Variants in SPTAN1 observed in about 807,000 individuals in gnomAD.
SPTAN1 encodes the protein spectrin alpha chain, non-erythrocytic 1.
A neutral mutation model predicts 331.3 loss-of-function variants in SPTAN1; 61 were observed. The ratio of observed to expected loss-of-function variants is 0.18; its 90% CI spans 0.15 to 0.23. SPTAN1 has a LOEUF of 0.23. SPTAN1 is among the 10% of genes least tolerant of loss of function. The pLI is 1.00. For missense variants in SPTAN1, 2,043 were observed against 3,147.9 expected (o/e 0.65, Z 8.40); for synonymous variants, 1,153 against 1,173.9 (o/e 0.98, Z 0.36).
Position 128,608,015 on chromosome 9 carries a change from G to T in SPTAN1, c.4310G>T (p.Arg1437Leu). 2.5e-6 allele frequency: 4 copies of T among 1,614,100 alleles called. No homozygotes were observed. The highest frequency in any genetic ancestry group is 3.4e-6 in the Non-Finnish European group (4 of 1,180,018). ...RADLEKAWVQ[R>L]RMMLDQCLEL... ...GACCTGGAGAAGGCCTGGGTTCAGC[G>T]CAGGATGATGCTGGATCAGTGCCTT... Residue 1437 changes from arginine (R) to leucine (L), a missense_variant, in exon 33 of 57, where the codon CGC (arginine) becomes CTC (leucine). By Grantham distance (102) the Arg-to-Leu change is moderately radical. Around this residue, in one of 12 missense-constraint regions of SPTAN1, gnomAD observed 179 missense variants for 215.7 expected, o/e 0.83. Transcript: ENST00000372739.
intron 43 of SPTAN1, 103 bp from the exon 44 acceptor site, chr9:128,618,768 C>T: frequency 6.4e-7 from 1 of 1,554,862 alleles, no homozygotes; most frequent in South Asian, 1.1e-5. Flanking sequence ...CAGGCATGAG[C>T]CACCATGCCC....
At chr9:128,619,284 G>A (rs1589360601) in intron 44 of SPTAN1, among the ~76,000 whole-genome samples, 2 of 152,174 alleles carry the variant, frequency 1.3e-5, no homozygotes, top group Admixed American at 6.6e-5. Context: ...GTTTCCTGGG[G>A]CTGCCATAAA....
At position 128,624,911 on chromosome 9, in the gene SPTAN1, G is replaced by C. The variant is rs1451156550; in HGVS notation, c.5993-192G>C. 9.2e-6 allele frequency: 6 copies of C among 655,606 alleles called. No homozygotes were observed. The East Asian group carries it at 1.6e-4, about 18-fold the overall frequency. The allele number at this position is 655,606 out of a possible 1,614,324, so 40.6% of individuals were successfully genotyped here. A position where few individuals can be genotyped will look rare whatever the true frequency, so the allele number is the denominator to read the frequency against. ...TGAACTAGAAGACGGGCTGCAGGGA[G>C]CTCGTCATGGCACAGATGGAGGCCA... is the stretch of plus-strand genomic sequence containing the variant. On this transcript the variant is annotated intron_variant, in intron 46 of 56. Coordinates refer to ENST00000372739, the MANE Select transcript of SPTAN1 (RefSeq NM_001130438.3).
At chr9:128,617,315 T>C (rs1857295315) in intron 41 of SPTAN1, among the ~76,000 whole-genome samples, 1 of 152,044 alleles carries the variant, frequency 6.6e-6, no homozygotes, top group Non-Finnish European at 1.5e-5. Context: ...GATATATTAA[T>C]ACATATTTAG....
intron 31 of SPTAN1, among the ~76,000 whole-genome samples, chr9:128,606,499 G>C (rs574014330): frequency 6.9e-6 from 1 of 145,410 alleles, no homozygotes; most frequent in African/African-American, 2.6e-5. Context: ...TTTTTTTTTG[G>C]GGGGGGAAGC....
In SPTAN1 at chr9:128,629,684, T is replaced by C; in HGVS notation, c.6708-637T>C. 5.6e-6 allele frequency: 1 copy of C among 177,522 alleles called. No individual in the cohort carries two copies. 11.0% of individuals were successfully genotyped at this position (177,522 alleles called of 1,614,324 possible). On this transcript the variant is annotated intron_variant, in intron 51 of 56. Transcript: ENST00000372739. This position sits in a 1 kb window ranked among gnomAD's most constrained non-coding sequence, Gnocchi z 4.9. ...CCAGAGCCCATCTGCTCTCAGAACTTGGTCCTAGAGAGGAGGCTCCCTCCC... is the reference window on the plus strand; with the variant it reads ...CCAGAGCCCATCTGCTCTCAGAACTCGGTCCTAGAGAGGAGGCTCCCTCCC...
At chr9:128,630,078 G>A (rs946936714) in intron 51 of SPTAN1, 10 of 687,396 alleles carry the variant, frequency 1.5e-5, no homozygotes, top group African/African-American at 1.7e-5. Flanking sequence ...GGAGCAAGAC[G>A]AGTGGGCTCA....
At chr9:128,560,966 A>G (rs1471482784) in intron 1 of SPTAN1, among the ~76,000 whole-genome samples, 1 of 147,596 alleles carries the variant, frequency 6.8e-6, no homozygotes, top group African/African-American at 2.5e-5. Flanking sequence ...CTGTGAACCC[A>G]GATAGCATCA....
Position 128,587,632 on chromosome 9 carries a change from G to A in SPTAN1, c.2805G>A (p.Leu935=), listed in dbSNP as rs753698426. The change falls in exon 20 of 57, where the codon TTG becomes TTA. Residue 935 remains leucine, a synonymous_variant. Coordinates refer to ENST00000372739, the MANE Select transcript of SPTAN1 (RefSeq NM_001130438.3). ...CTCTACTGAAGAAACACGAAGCTTTGATGTCAGATCTCAGTGCCTACGGCA... is the reference window on the plus strand; with the variant it reads ...CTCTACTGAAGAAACACGAAGCTTTAATGTCAGATCTCAGTGCCTACGGCA... ...AEALLKKHEA[L]MSDLSAYGSS... is the part of the protein sequence containing the mutation. 2.5e-6 allele frequency: 4 copies of A among 1,613,982 alleles called. No individual in the cohort carries two copies. Among genetic ancestry groups the A allele is most frequent in the Non-Finnish European group, 3.4e-6 (4 of 1,179,970 alleles).
intron 1 of SPTAN1, among the ~76,000 whole-genome samples, chr9:128,559,318 G>A (rs1443968096): frequency 6.6e-6 from 1 of 152,184 alleles, no homozygotes; most frequent in Non-Finnish European, 1.5e-5. Flanking sequence ...GATCAAATCA[G>A]CAAGCTGGGC....
rs923703783 is a variant in SPTAN1, at chr9:128,598,476, C to T, written c.3491C>T (p.Ala1164Val). ...GACCTGGAGTCTGAAGGTCTCATGG[C>T]AGAGGAGGTGCAGGCTGTGCAACAA... ...AEDLESEGLMAEEVQAVQQQE... is the reference protein window; with the variant it reads ...AEDLESEGLMVEEVQAVQQQE... Residue 1164 changes from alanine to valine, a missense_variant, in exon 25 of 57, where the codon GCA becomes GTA. Physicochemically the swap from Ala to Val is moderately conservative, Grantham distance 64. Transcript: ENST00000372739. The T allele has an allele frequency of 1.2e-6, 2 of 1,611,558 alleles. No individual in the cohort carries two copies. Among genetic ancestry groups the T allele is most frequent in the Admixed American group, 3.4e-5 (2 of 59,612 alleles).
chr9:128,578,853 AAC>A (rs1851621336), intron 9 of SPTAN1, among the ~76,000 whole-genome samples: 1 of 146,598 alleles, frequency 6.8e-6, no homozygotes, highest in South Asian at 2.2e-4. Flanking sequence ...AAAAAAAAAA[AAC>A]CTTCTGAGAG....
At chr9:128,554,274 A>G (rs1279225990) in intron 1 of SPTAN1, among the ~76,000 whole-genome samples, 3 of 152,160 alleles carry the variant, frequency 2.0e-5, no homozygotes, top group Non-Finnish European at 2.9e-5. Flanking sequence ...AGCAGTTCTT[A>G]TGGCAAACCA....
Position 128,627,694 on chromosome 9 carries a change from C to A in SPTAN1, c.6689+196C>A. The A allele has an allele frequency of 1.3e-6, 1 of 783,112 alleles. No homozygotes were observed. 48.5% of individuals were successfully genotyped at this position (783,112 alleles called of 1,614,324 possible). On this transcript the variant is annotated intron_variant, in intron 50 of 56. Coordinates refer to ENST00000372739, the MANE Select transcript of SPTAN1 (RefSeq NM_001130438.3). This position sits in a 1 kb window ranked among gnomAD's most constrained non-coding sequence, Gnocchi z 4.9. Reference sequence around the variant, plus strand: ...TAGGTGGAGCAGCCTCTCAGTGCTGCATGTCCCAGACATCAAGTTGTTAGA... The same window carrying A: ...TAGGTGGAGCAGCCTCTCAGTGCTGAATGTCCCAGACATCAAGTTGTTAGA...
chr9:128,610,439 C>T (rs1477496685), intron 37 of SPTAN1, among the ~76,000 whole-genome samples: 1 of 152,018 alleles, frequency 6.6e-6, no homozygotes, highest in Non-Finnish European at 1.5e-5. Flanking sequence ...GGTGGGAGAA[C>T]GTAACAAGGA....
rs766141611 is a variant in SPTAN1, at chr9:128,566,881, G to A, written c.141G>A (p.Gln47=). ...RQKLEDSYRF[Q]FFQRDAEELE... ...AGCTGGAAGATTCCTATCGATTCCA[G>A]TTCTTTCAAAGAGATGCTGAAGAGC... The change falls in exon 2 of 57, where the codon CAG becomes CAA. Residue 47 remains glutamine, a synonymous_variant. Transcript: ENST00000372739. 19 of 1,614,102 alleles carry A rather than the reference G, an allele frequency of 1.2e-5. No individual in the cohort carries two copies. The highest frequency in any genetic ancestry group is 3.4e-6 in the Non-Finnish European group (4 of 1,180,046).
chr9:128,586,053 G>A (rs146443854), intron 19 of SPTAN1, 88 bp downstream of exon 19: 26 of 1,117,276 alleles, frequency 2.3e-5, no homozygotes, highest in Middle Eastern at 2.9e-4. Context: ...AGTGATGCGC[G>A]GGAGGTGTGC....
intron 46 of SPTAN1, chr9:128,624,825 G>A (rs182226889): frequency 3.5e-6 from 2 of 574,372 alleles, no homozygotes; most frequent in Non-Finnish European, 6.2e-6. Flanking sequence ...CAGCTCCTGG[G>A]TGAGGGAAAA....
intron 19 of SPTAN1, among the ~76,000 whole-genome samples, chr9:128,586,792 A>G (rs936447225): frequency 6.7e-6 from 1 of 148,646 alleles, no homozygotes; most frequent in Non-Finnish European, 1.5e-5. Context: ...ACTCTTCACA[A>G]AAACTAGAAT....
Sources: allele counts gnomAD v4.1 joint callset (sites outside exome capture counted in the v4.1 genomes callset), GRCh38; gene constraint gnomAD v4.1.1; regional missense constraint gnomAD v4.1.1; non-coding constraint Gnocchi (gnomAD v3.1); transcripts MANE v1.5; gene names NCBI Gene and HGNC (gene_info 2026-07-23, HGNC 2026-07-21).